Variants in UQCRB observed in about 807,000 individuals in gnomAD.
UQCRB encodes the protein ubiquinol-cytochrome c reductase binding protein.
UQCRB carries 12 observed loss-of-function variants against 19.8 expected under a neutral mutation model. The observed-to-expected ratio is 0.61, with a 90% CI of 0.39 to 0.98. The LOEUF (loss-of-function observed/expected upper bound fraction) is 0.98. Ranked by LOEUF, UQCRB falls within the 50% of genes least tolerant of loss-of-function variation. The probability of loss-of-function intolerance (pLI) is 0.00; values close to 1 mark genes in which losing one functional copy is unlikely to be tolerated. For synonymous variants in UQCRB, 39 were observed against 42.9 expected (o/e 0.91, Z 0.35); for missense variants, 142 against 131.8 (o/e 1.08, Z -0.38).
At position 96,229,765 on chromosome 8, in the gene UQCRB, G is replaced by C; in HGVS notation, c.*1290C>G. ...TTTAGAAAAATAACGACCAGCGAAA[G>C]GAAAAAAAAAAGCGGGGGAGGGGGT... On this transcript the variant is annotated 3_prime_UTR_variant, in exon 4 of 4. Coordinates refer to ENST00000287022, the MANE Select transcript of UQCRB (RefSeq NM_006294.5). 1 of 449,952 alleles carries C rather than the reference G, an allele frequency of 2.2e-6. No individual in the cohort carries two copies. Among genetic ancestry groups the C allele is most frequent in the Non-Finnish European group, 4.4e-6 (1 of 225,634 alleles). The allele number at this position is 449,952 out of a possible 1,614,324, so 27.9% of individuals were successfully genotyped here.
chr8:96,224,069 C>T lies in UQCRB; in HGVS notation c.*6986G>A, dbSNP rs1401739920. On this transcript the variant is annotated 3_prime_UTR_variant, in exon 4 of 4. Transcript: ENST00000287022. ...CACAAACCAGTTCCAAGTAGCAGCA[C>T]TTGGTGCTCTCATGGGGCAACCTAG... Among the ~76,000 whole-genome samples, 1 of 152,220 alleles carries T rather than the reference C, an allele frequency of 6.6e-6. No homozygotes were observed. The highest frequency in any genetic ancestry group is 1.5e-5 in the Non-Finnish European group (1 of 68,046).
In UQCRB at chr8:96,230,226, CCAT is replaced by C. The variant is rs1586152151; in HGVS notation, c.*826_*828del. ...GAGTAGCTGGGATTACAGGTGCCTA[CCAT>C]CACGCCTAGCTAATTTTTTGTATTT... is the stretch of plus-strand genomic sequence containing the variant. On this transcript the variant is annotated 3_prime_UTR_variant, in exon 4 of 4. Coordinates refer to ENST00000287022, the MANE Select transcript of UQCRB (RefSeq NM_006294.5). The C allele has an allele frequency of 4.5e-6, 2 of 441,824 alleles. No individual in the cohort carries two copies. The highest frequency in any genetic ancestry group is 9.1e-6 in the Non-Finnish European group (2 of 219,906). The allele number at this position is 441,824 out of a possible 1,614,324, so 27.4% of individuals were successfully genotyped here.
At position 96,228,089 on chromosome 8, in the gene UQCRB, G is replaced by A; in HGVS notation, c.*2966C>T. 1 of 454,126 alleles carries A rather than the reference G, an allele frequency of 2.2e-6. No homozygotes were observed. Among genetic ancestry groups the A allele is most frequent in the Non-Finnish European group, 4.4e-6 (1 of 226,792 alleles). 28.1% of individuals were successfully genotyped at this position (454,126 alleles called of 1,614,324 possible). A position where few individuals can be genotyped will look rare whatever the true frequency, so the allele number is the denominator to read the frequency against. ...TACATCTTGACAACAGGAAGGCCAA[G>A]TGATACTAGGTAGTGCACTACAACA... On this transcript the variant is annotated 3_prime_UTR_variant, in exon 4 of 4. Coordinates refer to ENST00000287022, the MANE Select transcript of UQCRB (RefSeq NM_006294.5).
rs1196556710 is a variant in UQCRB, at chr8:96,231,000, G to A, written c.*55C>T. On this transcript the variant is annotated 3_prime_UTR_variant, in exon 4 of 4. Transcript: ENST00000287022. ...GACCAAATAATTCTTAAAATTGTTT[G>A]TTTCAAGTTTAACCATCTTCATAAC... 1 of 1,528,794 alleles carries A rather than the reference G, an allele frequency of 6.5e-7. No individual in the cohort carries two copies. Among genetic ancestry groups the A allele is most frequent in the East Asian group, 2.3e-5 (1 of 44,410 alleles). 94.7% of individuals were successfully genotyped at this position (1,528,794 alleles called of 1,614,324 possible). A position where few individuals can be genotyped will look rare whatever the true frequency, so the allele number is the denominator to read the frequency against.
rs1373382502 is a variant in UQCRB, at chr8:96,230,915, T to C, written c.*140A>G. ...GATTCAGTAGTTATTCAGTATAAGGTTTGGAATTCAAAAACTCCAGCCATT... is the reference window on the plus strand; with the variant it reads ...GATTCAGTAGTTATTCAGTATAAGGCTTGGAATTCAAAAACTCCAGCCATT... On this transcript the variant is annotated 3_prime_UTR_variant, in exon 4 of 4. Transcript: ENST00000287022. 1.1e-6 allele frequency: 1 copy of C among 918,774 alleles called. No homozygotes were observed. Among genetic ancestry groups the C allele is most frequent in the Admixed American group, 1.9e-5 (1 of 52,250 alleles). 56.9% of individuals were successfully genotyped at this position (918,774 alleles called of 1,614,324 possible). A position where few individuals can be genotyped will look rare whatever the true frequency, so the allele number is the denominator to read the frequency against.
intron 1 of UQCRB, chr8:96,234,745 C>G (rs1288671420): frequency 3.1e-6 from 1 of 319,980 alleles, no homozygotes; most frequent in Non-Finnish European, 6.2e-6. Context: ...GCACTCCAGC[C>G]TGGGCGACAA....
intron 2 of UQCRB, 58 bp downstream of exon 2, chr8:96,233,098 A>G (rs1809713205): frequency 6.4e-7 from 1 of 1,569,504 alleles, no homozygotes; most frequent in African/African-American, 1.4e-5. Flanking sequence ...GAAAAACAAA[A>G]AAAAAAACAA....
Position 96,231,492 on chromosome 8 carries a change from G to A in UQCRB, c.258+282C>T, listed in dbSNP as rs2292835. 558,224 of 1,532,672 alleles carry A rather than the reference G, an allele frequency of 0.36. 105,241 individuals are homozygous for A. Among genetic ancestry groups the A allele is most frequent in the Non-Finnish European group, 0.39 (446,950 of 1,144,464 alleles). The allele number at this position is 1,532,672 out of a possible 1,614,324, so 94.9% of individuals were successfully genotyped here. On this transcript the variant is annotated intron_variant, in intron 3 of 3. Coordinates refer to ENST00000287022, the MANE Select transcript of UQCRB (RefSeq NM_006294.5). ...TCTTTTCATCTAAGTAGGAAGCAGA[G>A]TGCAGAGCTGGAACAGCAAAGACCT...
At chr8:96,233,032 C>A in intron 2 of UQCRB, 124 bp downstream of exon 2, 2 of 833,242 alleles carry the variant, frequency 2.4e-6, no homozygotes, top group Non-Finnish European at 1.9e-6. Flanking sequence ...CTGATGTATA[C>A]AAGAACTGAA....
At chr8:96,233,026 T>C (rs998665319) in intron 2 of UQCRB, 130 bp downstream of exon 2, 3 of 771,860 alleles carry the variant, frequency 3.9e-6, no homozygotes, top group African/African-American at 1.8e-5. Context: ...AATCTTCTGA[T>C]GTATACAAGA....
At position 96,230,269 on chromosome 8, in the gene UQCRB, G is replaced by A. The variant is rs1330932605; in HGVS notation, c.*786C>T. The A allele has an allele frequency of 4.7e-6, 2 of 422,616 alleles. No homozygotes were observed. The highest frequency in any genetic ancestry group is 9.4e-6 in the Non-Finnish European group (2 of 211,680). The allele number at this position is 422,616 out of a possible 1,614,324, so 26.2% of individuals were successfully genotyped here. ...TTTTTGTATTTTTAGTAGAGACAGG[G>A]TTTCACCATGTTGGCCAGGCTGGTC... On this transcript the variant is annotated 3_prime_UTR_variant, in exon 4 of 4. Transcript: ENST00000287022.
At position 96,231,070 on chromosome 8, in the gene UQCRB, T is replaced by G; in HGVS notation, c.321A>C (p.Glu107Asp). Residue 107 changes from glutamate to aspartate, a missense_variant, in exon 4 of 4, where the codon GAA becomes GAC. By Grantham distance (45) the Glu-to-Asp change is conservative. Coordinates refer to ENST00000287022, the MANE Select transcript of UQCRB (RefSeq NM_006294.5). ...AACTACATGATTACTTCTTTGCCCA[T>G]TCTTCTCTTTCTTTTCTTTCCCGAA... ...EVIRERKERE[E>D]WAKK The G allele has an allele frequency of 6.2e-7, 1 of 1,613,612 alleles. No homozygotes were observed. Among genetic ancestry groups the G allele is most frequent in the South Asian group, 1.1e-5 (1 of 91,062 alleles).
rs532936483 is a variant in UQCRB at position 96,230,930 on chromosome 8, C to T, written c.*125G>A. 16 of 1,054,478 alleles carry T rather than the reference C, an allele frequency of 1.5e-5. No individual in the cohort carries two copies. In the East Asian group the frequency reaches 3.1e-4, roughly 21 times the overall value. The allele number at this position is 1,054,478 out of a possible 1,614,324, so 65.3% of individuals were successfully genotyped here. On this transcript the variant is annotated 3_prime_UTR_variant, in exon 4 of 4. Coordinates refer to ENST00000287022, the MANE Select transcript of UQCRB (RefSeq NM_006294.5). Reference sequence around the variant, plus strand: ...CAGTATAAGGTTTGGAATTCAAAAACTCCAGCCATTACAATAGACATTTAT... The same window carrying T: ...CAGTATAAGGTTTGGAATTCAAAAATTCCAGCCATTACAATAGACATTTAT...
Position 96,228,373 on chromosome 8 carries a change from G to A in UQCRB, c.*2682C>T. 1 of 454,066 alleles carries A rather than the reference G, an allele frequency of 2.2e-6. No individual in the cohort carries two copies. Among genetic ancestry groups the A allele is most frequent in the Non-Finnish European group, 4.4e-6 (1 of 226,780 alleles). 28.1% of individuals were successfully genotyped at this position (454,066 alleles called of 1,614,324 possible). A position where few individuals can be genotyped will look rare whatever the true frequency, so the allele number is the denominator to read the frequency against. The stretch of plus-strand genomic sequence containing the variant: ...AAAACAGGGAGATAGCCAAGTCTTA[G>A]CTCCATCCTAATCAAAGCTGTCATG... On this transcript the variant is annotated 3_prime_UTR_variant, in exon 4 of 4. Transcript: ENST00000287022.
rs1809579536 is a variant in UQCRB at position 96,228,526 on chromosome 8, T to C, written c.*2529A>G. 1 of 454,028 alleles carries C rather than the reference T, an allele frequency of 2.2e-6. No individual in the cohort carries two copies. The highest frequency in any genetic ancestry group is 2.3e-5 in the Admixed American group (1 of 42,566). 28.1% of individuals were successfully genotyped at this position (454,028 alleles called of 1,614,324 possible). On this transcript the variant is annotated 3_prime_UTR_variant, in exon 4 of 4. Coordinates refer to ENST00000287022, the MANE Select transcript of UQCRB (RefSeq NM_006294.5). ...AAGAGAGGAGACCTTGGACCTTAGC[T>C]ACTGGTTAGCTATTCGACATTGATG...
intron 1 of UQCRB, 142 bp downstream of exon 1, chr8:96,235,370 C>T (rs1809785682): frequency 4.0e-6 from 5 of 1,241,416 alleles, no homozygotes; most frequent in East Asian, 2.3e-5. Flanking sequence ...GAAGCACATC[C>T]TTTTCACTGG....
At chr8:96,231,295 T>TGTG in intron 3 of UQCRB, 163 bp from the exon 4 acceptor site, 2 of 1,555,628 alleles carry the variant, frequency 1.3e-6, no homozygotes, top group Non-Finnish European at 1.7e-6. Context: ...ATGTCAAATC[T>TGTG]GTGGTGATGG....
chr8:96,229,905 A>G lies in UQCRB; in HGVS notation c.*1150T>C. On this transcript the variant is annotated 3_prime_UTR_variant, in exon 4 of 4. Coordinates refer to ENST00000287022, the MANE Select transcript of UQCRB (RefSeq NM_006294.5). ...AATGTAACACAAATTCGTTTTTCAC[A>G]CTGTTTTGTTATTTGAGGTAAGGCA... is the stretch of plus-strand genomic sequence containing the variant. The G allele has an allele frequency of 2.2e-6, 1 of 453,548 alleles. No individual in the cohort carries two copies. Among genetic ancestry groups the G allele is most frequent in the Non-Finnish European group, 4.4e-6 (1 of 226,546 alleles). The allele number at this position is 453,548 out of a possible 1,614,324, so 28.1% of individuals were successfully genotyped here. A position where few individuals can be genotyped will look rare whatever the true frequency, so the allele number is the denominator to read the frequency against.
chr8:96,229,756 C>A lies in UQCRB; in HGVS notation c.*1299G>T, dbSNP rs1186622319. 6 of 452,342 alleles carry A rather than the reference C, an allele frequency of 1.3e-5. No individual in the cohort carries two copies. The highest frequency in any genetic ancestry group is 1.0e-4 in the African/African-American group (5 of 49,582). 28.0% of individuals were successfully genotyped at this position (452,342 alleles called of 1,614,324 possible). On this transcript the variant is annotated 3_prime_UTR_variant, in exon 4 of 4. Transcript: ENST00000287022. ...CAGGATAGGTTTAGAAAAATAACGA[C>A]CAGCGAAAGGAAAAAAAAAAGCGGG...
Sources: allele counts gnomAD v4.1 joint callset (sites outside exome capture counted in the v4.1 genomes callset), GRCh38; gene constraint gnomAD v4.1.1; transcripts MANE v1.5; gene names NCBI Gene and HGNC (gene_info 2026-07-23, HGNC 2026-07-21).